The following ENPP4 variants were observed in gnomAD, a reference collection of about 807,000 sequenced individuals.
The protein encoded by ENPP4 is ectonucleotide pyrophosphatase/phosphodiesterase 4.
Under a neutral mutation model 33.4 loss-of-function variants are expected in ENPP4, and 18 were observed. The ratio of observed to expected loss-of-function variants is 0.54; its 90% CI spans 0.37 to 0.80. ENPP4 has a LOEUF of 0.80. Ranked by LOEUF, ENPP4 falls within the 30% of genes least tolerant of loss-of-function variation. The probability of loss-of-function intolerance (pLI) is 0.00; values close to 1 mark genes in which losing one functional copy is unlikely to be tolerated. For synonymous variants in ENPP4, 172 were observed against 189.9 expected (o/e 0.91, Z 0.78); for missense variants, 480 against 541.7 (o/e 0.89, Z 1.13).
At chr6:46,143,170 T>C in intron 3 of ENPP4, 106 bp from the exon 4 acceptor site, 1 of 1,139,506 alleles carries the variant, frequency 8.8e-7, no homozygotes, top group Non-Finnish European at 1.2e-6. Context: ...GAAATTTTTA[T>C]TTCTAGTCCC....
At chr6:46,142,389 T>TACA (rs1171830554) in intron 3 of ENPP4, among the ~76,000 whole-genome samples, 1 of 145,218 alleles carries the variant, frequency 6.9e-6, no homozygotes, top group Non-Finnish European at 1.5e-5. Flanking sequence ...ATATATTATA[T>TACA]ATAATATATA....
chr6:46,133,290 T>G (rs1763929626), intron 1 of ENPP4, among the ~76,000 whole-genome samples: 2 of 152,194 alleles, frequency 1.3e-5, no homozygotes, highest in African/African-American at 4.8e-5. Flanking sequence ...TTTTTAAGAC[T>G]AAGGAATTTT....
intron 1 of ENPP4, among the ~76,000 whole-genome samples, chr6:46,135,462 T>G (rs999742813): frequency 1.3e-5 from 2 of 152,092 alleles, no homozygotes; most frequent in African/African-American, 2.4e-5. Flanking sequence ...CATTTGTGTC[T>G]TCTTTGGAGA....
chr6:46,139,979 T>G lies in ENPP4; in HGVS notation c.396T>G (p.Ala132=). ...AGCTTCAGGAAAACAGATCAAGTGC[T>G]GCTGCTATGTGGCCTGGTACTGATG... ...TNQLQENRSS[A]AAMWPGTDVP... Residue 132 remains alanine, a synonymous_variant, in exon 2 of 4, where the codon GCT becomes GCG. Coordinates refer to ENST00000321037, the MANE Select transcript of ENPP4 (RefSeq NM_014936.5). 1 of 1,612,924 alleles carries G rather than the reference T, an allele frequency of 6.2e-7. No homozygotes were observed. The highest frequency in any genetic ancestry group is 1.1e-5 in the South Asian group (1 of 91,064).
chr6:46,143,075 A>G (rs1764090717), intron 3 of ENPP4, among the ~76,000 whole-genome samples: 1 of 146,330 alleles, frequency 6.8e-6, no homozygotes, highest in African/African-American at 2.5e-5. Context: ...CAGTTGGGAA[A>G]AGGGGCATAT....
intron 1 of ENPP4, among the ~76,000 whole-genome samples, chr6:46,136,361 A>T (rs1310855754): frequency 2.6e-5 from 4 of 152,006 alleles, no homozygotes; most frequent in Non-Finnish European, 5.9e-5. Flanking sequence ...TTTTTTACAA[A>T]ATGACCCAGG....
chr6:46,138,318 G>A (rs940518343), intron 1 of ENPP4, among the ~76,000 whole-genome samples: 19 of 151,732 alleles, frequency 1.3e-4, no homozygotes, highest in African/African-American at 4.6e-4. Flanking sequence ...TTCAGTTTCT[G>A]GCAGAATCTC....
chr6:46,133,396 A>T (rs1197171494), intron 1 of ENPP4, among the ~76,000 whole-genome samples: 1 of 152,186 alleles, frequency 6.6e-6, no homozygotes, highest in African/African-American at 2.4e-5. Context: ...AAGTTTTTAA[A>T]GGTGTATGAG....
rs540988885 is a variant in ENPP4, at chr6:46,144,527, G to T, written c.*887G>T. ...CTGAAGCACACAGATCTCAGGAAAG[G>T]TTATTTTTGCACTTCATATTTGTTT... On this transcript the variant is annotated 3_prime_UTR_variant, in exon 4 of 4. Transcript: ENST00000321037. 6.5e-6 allele frequency: 1 copy of T among 153,626 alleles called. No individual in the cohort carries two copies. Among genetic ancestry groups the T allele is most frequent in the East Asian group, 1.9e-4 (1 of 5,270 alleles). The allele number at this position is 153,626 out of a possible 1,614,324, so 9.5% of individuals were successfully genotyped here.
intron 1 of ENPP4, among the ~76,000 whole-genome samples, chr6:46,131,785 G>T (rs1231932400): frequency 6.6e-6 from 1 of 151,994 alleles, no homozygotes; most frequent in Non-Finnish European, 1.5e-5. Flanking sequence ...CAGTGTAAAA[G>T]TGTTCCTATT....
rs1262240919 is a variant in ENPP4, at chr6:46,145,106, A to G, written c.*1466A>G. On this transcript the variant is annotated 3_prime_UTR_variant, in exon 4 of 4. Transcript: ENST00000321037. ...TAGTATGATCTTTAAAGTTTTGACA[A>G]TATAAAATAAACTTGGTAACTGTTT... The G allele has an allele frequency of 2.6e-6, 1 of 389,404 alleles. No individual in the cohort carries two copies. The highest frequency in any genetic ancestry group is 2.1e-5 in the African/African-American group (1 of 48,318). The allele number at this position is 389,404 out of a possible 1,614,324, so 24.1% of individuals were successfully genotyped here. A position where few individuals can be genotyped will look rare whatever the true frequency, so the allele number is the denominator to read the frequency against.
At chr6:46,132,683 T>G in intron 1 of ENPP4, among the ~76,000 whole-genome samples, 1 of 152,214 alleles carries the variant, frequency 6.6e-6, no homozygotes, top group Non-Finnish European at 1.5e-5. Flanking sequence ...TTTTTCCAAT[T>G]CTGTGAAGAA....
At chr6:46,136,686 A>G (rs1421097314) in intron 1 of ENPP4, among the ~76,000 whole-genome samples, 1 of 151,908 alleles carries the variant, frequency 6.6e-6, no homozygotes, top group Non-Finnish European at 1.5e-5. Flanking sequence ...TTTTAAATTA[A>G]GGGAACATGA....
chr6:46,143,398 A>G lies in ENPP4; in HGVS notation c.1120A>G (p.Met374Val). 6.2e-7 allele frequency: 1 copy of G among 1,612,716 alleles called. No homozygotes were observed. Among genetic ancestry groups the G allele is most frequent in the Non-Finnish European group, 8.5e-7 (1 of 1,179,096 alleles). The change falls in exon 4 of 4, where the codon ATG (methionine) becomes GTG (valine). Residue 374 changes from methionine to valine, a missense_variant. This residue lies in a region of ENPP4 where 249 missense variants were observed against 251.8 expected (regional missense o/e 0.99). Transcript: ENST00000321037. ...TAACATTGTGGATATTTATCCAATG[A>G]TGTGCCACATCCTGGGATTAAAACC... ...TINIVDIYPM[M>V]CHILGLKPHP... is the part of the protein sequence containing the mutation.
chr6:46,140,497 G>A (rs1470289224), intron 2 of ENPP4, 88 bp downstream of exon 2: 24 of 786,734 alleles, frequency 3.1e-5, no homozygotes, highest in South Asian at 1.8e-5. Context: ...TGAAGCTCTA[G>A]CTTTTTGTAG....
At chr6:46,142,478 T>A (rs943989152) in intron 3 of ENPP4, among the ~76,000 whole-genome samples, 7 of 35,934 alleles carry the variant, frequency 1.9e-4, no homozygotes, top group South Asian at 9.3e-4. Context: ...AAATATATAT[T>A]TTTTTCTAAT....
At chr6:46,140,955 A>G in intron 2 of ENPP4, 97 bp from the exon 3 acceptor site, 1 of 722,492 alleles carries the variant, frequency 1.4e-6, no homozygotes, top group South Asian at 2.0e-5. Flanking sequence ...TTAATAGATG[A>G]CATTATCTAT....
chr6:46,135,159 G>A (rs1337936531), intron 1 of ENPP4, among the ~76,000 whole-genome samples: 2 of 152,012 alleles, frequency 1.3e-5, no homozygotes, highest in Non-Finnish European at 1.5e-5. Flanking sequence ...ACAAGTTTTT[G>A]TGTGGACATA....
rs904319370 is a variant in ENPP4 at position 46,139,559 on chromosome 6, A to C, written c.-25A>C. 3 of 1,193,028 alleles carry C rather than the reference A, an allele frequency of 2.5e-6. No individual in the cohort carries two copies. In the Admixed American group the frequency reaches 5.4e-5, roughly 21 times the overall value. 73.9% of individuals were successfully genotyped at this position (1,193,028 alleles called of 1,614,324 possible). On this transcript the variant is annotated 5_prime_UTR_variant, in exon 2 of 4. Coordinates refer to ENST00000321037, the MANE Select transcript of ENPP4 (RefSeq NM_014936.5). ...GTGTTTTTACATTTTAGGAACCCTG[A>C]TTGCTGTCCTTCAACGTGTTCATTA...
Sources: gnomAD v4.1 joint callset for allele counts (sites outside exome capture counted in the v4.1 genomes callset) on GRCh38, gnomAD v4.1.1 for gene constraint, gnomAD v4.1.1 regional missense constraint, MANE v1.5 for transcripts, NCBI Gene and HGNC (gene_info 2026-07-23, HGNC 2026-07-21) for gene names.